ZNF521: variants seen among roughly 807,000 people sequenced by gnomAD.
ZNF521 encodes the protein LYST-interacting protein 3.
Under a neutral mutation model 105.5 loss-of-function variants are expected in ZNF521, and 14 were observed. That is an observed-to-expected ratio of 0.13 (90% CI 0.09 to 0.21). ZNF521 has a LOEUF of 0.21. ZNF521 is among the 10% of genes least tolerant of loss of function. The pLI is 1.00. For synonymous variants in ZNF521, 635 were observed against 606.0 expected (o/e 1.05, Z -0.70); for missense variants, 1,233 against 1,629.7 (o/e 0.76, Z 4.19).
At chr18:25,269,776 G>A (rs1361517168) in intron 3 of ZNF521, among the ~76,000 whole-genome samples, 1 of 152,150 alleles carries the variant, frequency 6.6e-6, no homozygotes, top group African/African-American at 2.4e-5. Context: ...GAATCTCTGG[G>A]ACACATTTAA....
chr18:25,228,780 T>C lies in ZNF521; in HGVS notation c.221-1083A>G, dbSNP rs1906345186. ...ATATTAGGTGATTTTAAAAACTATG[T>C]TCTTAGCAAACGTGCACTGTTATTT... On this transcript the variant is annotated intron_variant, in intron 3 of 7. Coordinates refer to ENST00000361524, the MANE Select transcript of ZNF521 (RefSeq NM_015461.3). 1.3e-5 allele frequency among the ~76,000 whole-genome samples: 2 copies of C among 152,258 alleles called. 1 individual carries two copies. Among genetic ancestry groups the C allele is most frequent in the South Asian group, 4.1e-4 (2 of 4,834 alleles).
chr18:25,209,909 T>C (rs1209921860), intron 4 of ZNF521, among the ~76,000 whole-genome samples: 1 of 152,044 alleles, frequency 6.6e-6, no homozygotes, highest in Non-Finnish European at 1.5e-5. Flanking sequence ...TTCATTGCCT[T>C]TAAGTTTGAT....
chr18:25,208,210 T>TTTGC (rs1322800333), intron 4 of ZNF521, among the ~76,000 whole-genome samples: 1 of 152,196 alleles, frequency 6.6e-6, no homozygotes, highest in East Asian at 1.9e-4. Context: ...TGAAGATATA[T>TTTGC]TTGCTTTTTA....
intron 5 of ZNF521, among the ~76,000 whole-genome samples, chr18:25,180,006 T>G (rs1600125452): frequency 1.3e-5 from 2 of 152,368 alleles, no homozygotes; most frequent in South Asian, 4.1e-4. Flanking sequence ...GTATGTATTT[T>G]AAAGTTTACT....
chr18:25,199,377 G>A (rs955511667), intron 4 of ZNF521, among the ~76,000 whole-genome samples: 5 of 151,518 alleles, frequency 3.3e-5, no homozygotes, highest in African/African-American at 9.7e-5. Context: ...GGGAGGGGGT[G>A]GAAACAGCTA....
chr18:25,097,246 C>A (rs981129456), intron 5 of ZNF521, among the ~76,000 whole-genome samples: 6 of 152,240 alleles, frequency 3.9e-5, no homozygotes, highest in African/African-American at 1.4e-4. Context: ...GGCCATAGCA[C>A]TCAGCCACGA....
intron 1 of ZNF521, 61 bp from the exon 2 acceptor site, chr18:25,351,008 G>C: frequency 7.1e-7 from 1 of 1,403,156 alleles, no homozygotes. Context: ...ACTTCCTCGT[G>C]GCCGCGCGCC....
At chr18:25,210,292 A>G (rs1325999995) in intron 4 of ZNF521, among the ~76,000 whole-genome samples, 4 of 152,186 alleles carry the variant, frequency 2.6e-5, no homozygotes, top group Admixed American at 2.6e-4. Context: ...GAGATCACAT[A>G]GATGACCCTG....
chr18:25,309,589 C>G (rs1434081118), intron 3 of ZNF521, among the ~76,000 whole-genome samples: 1 of 152,004 alleles, frequency 6.6e-6, no homozygotes, highest in Non-Finnish European at 1.5e-5. Flanking sequence ...ACCATACAGC[C>G]ACAAGACATG....
intron 5 of ZNF521, among the ~76,000 whole-genome samples, chr18:25,154,952 C>A (rs1196228740): frequency 1.3e-5 from 2 of 152,018 alleles, no homozygotes; most frequent in African/African-American, 4.8e-5. Context: ...TTTTTTATTT[C>A]TTTAGGAGCA....
intron 2 of ZNF521, among the ~76,000 whole-genome samples, chr18:25,339,940 G>T (rs143218870): frequency 6.6e-6 from 1 of 152,304 alleles, no homozygotes; most frequent in East Asian, 1.9e-4. Flanking sequence ...TCAAAGTGAA[G>T]CCATGGACAT....
intron 3 of ZNF521, chr18:25,315,485 T>C (rs1285425768): frequency 6.6e-6 from 1 of 152,230 alleles, no homozygotes; most frequent in Admixed American, 6.5e-5. Flanking sequence ...CAGAAAAATA[T>C]GCAAATACTA....
Position 25,091,037 on chromosome 18 carries a change from T to C in ZNF521, c.3790+913A>G, listed in dbSNP as rs192045613. ...AATTGTGCTAGCTGTGCAATGAACA[T>C]GGCCCCTCTTTATCACAGAATAGAA... On this transcript the variant is annotated intron_variant, in intron 6 of 7. Transcript: ENST00000361524. Among the ~76,000 whole-genome samples, 989 of 152,314 alleles carry C rather than the reference T, an allele frequency of 6.5e-3. 14 individuals carry two copies. Among genetic ancestry groups the C allele is most frequent in the African/African-American group, 0.022 (930 of 41,566 alleles).
chr18:25,220,969 C>T (rs1043826480), intron 4 of ZNF521, among the ~76,000 whole-genome samples: 4 of 152,122 alleles, frequency 2.6e-5, no homozygotes, highest in African/African-American at 7.2e-5. Context: ...AGCTAAAGGG[C>T]CAGTGTTCTT....
In ZNF521 at chr18:25,196,855, T is replaced by C. The variant is rs536393007; in HGVS notation, c.3574-1611A>G. Reference sequence around the variant, plus strand: ...CTACATTATATATTGTTTATTAGCATACTTCTAGCATTATTCCTGATATGT... The same window carrying C: ...CTACATTATATATTGTTTATTAGCACACTTCTAGCATTATTCCTGATATGT... On this transcript the variant is annotated intron_variant, in intron 4 of 7. Transcript: ENST00000361524. 8.6e-5 allele frequency among the ~76,000 whole-genome samples: 13 copies of C among 151,930 alleles called. 1 individual carries two copies. The South Asian group carries it at 2.7e-3, about 31-fold the overall frequency.
At chr18:25,152,412 GA>G (rs1201102801) in intron 5 of ZNF521, among the ~76,000 whole-genome samples, 3 of 151,438 alleles carry the variant, frequency 2.0e-5, no homozygotes, top group Non-Finnish European at 4.4e-5. Flanking sequence ...CTAGGAGGCA[GA>G]GGTTGCAGCA....
intron 3 of ZNF521, among the ~76,000 whole-genome samples, chr18:25,259,667 T>C (rs1275530455): frequency 6.6e-6 from 1 of 152,116 alleles, no homozygotes; most frequent in Non-Finnish European, 1.5e-5. Flanking sequence ...TAAAGATCTG[T>C]TGAGTGCCTA....
intron 3 of ZNF521, among the ~76,000 whole-genome samples, chr18:25,241,889 C>T (rs752530907): frequency 1.5e-4 from 23 of 152,242 alleles, no homozygotes; most frequent in Non-Finnish European, 1.8e-4. Context: ...TTCAAACCCA[C>T]GCTGCCTTAG....
chr18:25,184,189 TA>T (rs879279826), intron 5 of ZNF521, among the ~76,000 whole-genome samples: 29 of 152,056 alleles, frequency 1.9e-4, no homozygotes, highest in Non-Finnish European at 3.4e-4. Context: ...TGCTTTTTTT[TA>T]AAAAAAGTGT....
Sources: gnomAD v4.1 joint callset for allele counts (sites outside exome capture counted in the v4.1 genomes callset) on GRCh38, gnomAD v4.1.1 for gene constraint, MANE v1.5 for transcripts, NCBI Gene and HGNC (gene_info 2026-07-23, HGNC 2026-07-21) for gene names.